The following CSMD1 variants were observed in gnomAD, a reference collection of about 807,000 sequenced individuals.
CSMD1 encodes CUB and Sushi multiple domains 1, also known as CUB and sushi domain-containing protein 1.
Under a neutral mutation model 417.5 loss-of-function variants are expected in CSMD1, and 213 were observed. That is an observed-to-expected ratio of 0.51 (90% confidence interval 0.46 to 0.57). The LOEUF is 0.57. Among genes scored for constraint, CSMD1 ranks in the 20% least tolerant of loss-of-function variants. The pLI, the probability that CSMD1 is intolerant of heterozygous loss-of-function variation, is 0.00. For synonymous variants in CSMD1, 2,862 were observed against 1,736.8 expected (o/e 1.65, Z -16.11); for missense variants, 6,923 against 4,529.7 (o/e 1.53, Z -15.17).
chr8:4,187,374 C>T lies in CSMD1; in HGVS notation c.416-155275G>A, dbSNP rs551520269. Among the ~76,000 whole-genome samples the T allele has an allele frequency of 2.0e-4, 30 of 152,210 alleles. No individual in the cohort carries two copies. The South Asian group carries it at 5.8e-3, about 29-fold the overall frequency. On this transcript the variant is annotated intron_variant, in intron 3 of 69. Coordinates refer to ENST00000635120, the MANE Select transcript of CSMD1 (RefSeq NM_033225.6). Reference sequence around the variant, plus strand: ...CATTAAGTAGCATTTGGGCCAGGCACGGTGGCTGATGCCTATAATCCCAGC... The same window carrying T: ...CATTAAGTAGCATTTGGGCCAGGCATGGTGGCTGATGCCTATAATCCCAGC...
At chr8:3,333,442 G>C (rs1015703420) in intron 23 of CSMD1, among the ~76,000 whole-genome samples, 1 of 152,122 alleles carries the variant, frequency 6.6e-6, no homozygotes, top group Admixed American at 6.5e-5. Flanking sequence ...CTGCTTATTG[G>C]ATATTTTCCC....
intron 23 of CSMD1, among the ~76,000 whole-genome samples, chr8:3,334,859 G>A (rs1267234360): frequency 6.6e-6 from 1 of 152,224 alleles, no homozygotes; most frequent in African/African-American, 2.4e-5. Context: ...GCAGGTGGCA[G>A]CACAGCCTGC....
intron 3 of CSMD1, among the ~76,000 whole-genome samples, chr8:4,147,289 A>G (rs1349009065): frequency 6.6e-6 from 1 of 152,030 alleles, no homozygotes; most frequent in East Asian, 1.9e-4. Flanking sequence ...ATTCCATACA[A>G]AGTTCCCAGC....
chr8:4,081,088 A>C (rs917330577), intron 3 of CSMD1, among the ~76,000 whole-genome samples: 9 of 152,138 alleles, frequency 5.9e-5, no homozygotes, highest in African/African-American at 2.2e-4. Context: ...AACACTTTGG[A>C]AGCAGAGAGA....
chr8:3,442,907 C>T (rs1457292938), intron 12 of CSMD1, among the ~76,000 whole-genome samples: 1 of 151,976 alleles, frequency 6.6e-6, no homozygotes, highest in Non-Finnish European at 1.5e-5. Context: ...GAAGTATTCC[C>T]CCATCTATTT....
intron 1 of CSMD1, among the ~76,000 whole-genome samples, chr8:4,642,298 G>C (rs1297406954): frequency 6.6e-5 from 10 of 152,160 alleles, no homozygotes; most frequent in Admixed American, 6.5e-4. Context: ...TTTCTACTTT[G>C]AAAGCCTGTC....
intron 3 of CSMD1, among the ~76,000 whole-genome samples, chr8:4,085,225 T>C (rs2554646): frequency 0.49 from 75,116 of 151,904 alleles, 19,506 homozygotes; most frequent in South Asian, 0.64. Flanking sequence ...ATGAATCATC[T>C]GATTGATTTA....
At chr8:3,451,948 A>G (rs1223962091) in intron 12 of CSMD1, among the ~76,000 whole-genome samples, 5 of 152,064 alleles carry the variant, frequency 3.3e-5, no homozygotes, top group Non-Finnish European at 2.9e-5. Context: ...CTACCCATGA[A>G]CATGGAATGT....
At position 3,223,288 on chromosome 8, in the gene CSMD1, C is replaced by G. The variant is rs537682897; in HGVS notation, c.4484+441G>C. ...CCACATTTGGGGAAACTTTCATTTT[C>G]CAGGCTCTATTAAGTCTTAATTTTA... On this transcript the variant is annotated intron_variant, in intron 28 of 69. Coordinates refer to ENST00000635120, the MANE Select transcript of CSMD1 (RefSeq NM_033225.6). Among the ~76,000 whole-genome samples, 3 of 152,218 alleles carry G rather than the reference C, an allele frequency of 2.0e-5. No individual in the cohort carries two copies. In the South Asian group the frequency reaches 6.2e-4, roughly 32 times the overall value.
At chr8:4,024,197 G>C (rs1017846709) in intron 4 of CSMD1, among the ~76,000 whole-genome samples, 4 of 152,136 alleles carry the variant, frequency 2.6e-5, no homozygotes, top group African/African-American at 4.8e-5. Context: ...ATAACAGATA[G>C]TAAGAAGACA....
At chr8:4,667,136 C>T (rs1418436742) in intron 1 of CSMD1, among the ~76,000 whole-genome samples, 3 of 152,034 alleles carry the variant, frequency 2.0e-5, no homozygotes, top group Non-Finnish European at 1.5e-5. Context: ...TACCTTGTCC[C>T]CTTTCTCAAA....
chr8:4,220,666 G>A (rs1292662184), intron 3 of CSMD1, among the ~76,000 whole-genome samples: 1 of 152,148 alleles, frequency 6.6e-6, no homozygotes, highest in Non-Finnish European at 1.5e-5. Flanking sequence ...AGATGGCTTA[G>A]CAAAAGAAGG....
intron 1 of CSMD1, among the ~76,000 whole-genome samples, chr8:4,753,022 C>G (rs1290937391): frequency 6.6e-6 from 1 of 152,100 alleles, no homozygotes; most frequent in Non-Finnish European, 1.5e-5. Context: ...TATTATTTAT[C>G]CAATGCATAA....
intron 2 of CSMD1, among the ~76,000 whole-genome samples, chr8:4,556,843 G>C (rs1350984363): frequency 6.6e-6 from 1 of 152,046 alleles, no homozygotes; most frequent in Non-Finnish European, 1.5e-5. Flanking sequence ...TTAGGATTTG[G>C]GATGTGTAAC....
At chr8:4,388,804 C>G (rs1315344813) in intron 3 of CSMD1, among the ~76,000 whole-genome samples, 2 of 152,218 alleles carry the variant, frequency 1.3e-5, no homozygotes, top group Non-Finnish European at 2.9e-5. Flanking sequence ...CCCAGTACCT[C>G]TGGACCCAGC....
intron 14 of CSMD1, 89 bp from the exon 15 acceptor site, chr8:3,406,310 A>G: frequency 9.7e-7 from 1 of 1,035,970 alleles, no homozygotes; most frequent in Non-Finnish European, 1.4e-6. Flanking sequence ...ACAAGCTTAT[A>G]AAGCATTCAT....
chr8:3,018,932 T>C (rs1809112846), intron 51 of CSMD1, among the ~76,000 whole-genome samples: 1 of 152,124 alleles, frequency 6.6e-6, no homozygotes, highest in African/African-American at 2.4e-5. Context: ...TTGTTGTTGT[T>C]GTTGGCATGG....
At chr8:4,457,159 G>C (rs1021173026) in intron 2 of CSMD1, among the ~76,000 whole-genome samples, 1 of 151,896 alleles carries the variant, frequency 6.6e-6, no homozygotes, top group African/African-American at 2.4e-5. Flanking sequence ...ACCATGATTT[G>C]GGTTTTACGG....
chr8:3,894,224 G>C (rs996238035), intron 5 of CSMD1, among the ~76,000 whole-genome samples: 1 of 152,064 alleles, frequency 6.6e-6, no homozygotes, highest in African/African-American at 2.4e-5. Context: ...CAAGAACGCA[G>C]GTATCACAAC....
Sources: allele counts gnomAD v4.1 joint callset (sites outside exome capture counted in the v4.1 genomes callset), GRCh38; gene constraint gnomAD v4.1.1; transcripts MANE v1.5; gene names NCBI Gene and HGNC (gene_info 2026-07-23, HGNC 2026-07-21).